Variants in KHDRBS2 observed in about 807,000 individuals in gnomAD.
KHDRBS2 encodes the protein KH domain-containing, RNA-binding, signal transduction-associated protein 2.
Under a neutral mutation model 44.3 loss-of-function variants are expected in KHDRBS2, and 26 were observed. That is an observed-to-expected ratio of 0.59 (90% CI 0.43 to 0.81). The LOEUF (loss-of-function observed/expected upper bound fraction) is 0.81. Among genes scored for constraint, KHDRBS2 ranks in the 40% least tolerant of loss-of-function variants. KHDRBS2 has a pLI of 0.00. For missense variants in KHDRBS2, 476 were observed against 433.1 expected (o/e 1.10, Z -0.88); for synonymous variants, 194 against 151.1 (o/e 1.28, Z -2.08).
intron 2 of KHDRBS2, among the ~76,000 whole-genome samples, chr6:62,071,608 C>T (rs534867155): frequency 6.6e-6 from 1 of 152,258 alleles, no homozygotes; most frequent in South Asian, 2.1e-4. Context: ...ATCCTTTCCC[C>T]ATTGCTTGCT....
chr6:61,711,880 TAACA>T (rs1770564917), intron 7 of KHDRBS2, among the ~76,000 whole-genome samples: 1 of 151,868 alleles, frequency 6.6e-6, no homozygotes, highest in Non-Finnish European at 1.5e-5. Context: ...TAATGCTGCA[TAACA>T]AACAACTACA....
At chr6:61,799,241 G>A (rs750537305) in intron 6 of KHDRBS2, among the ~76,000 whole-genome samples, 15 of 151,938 alleles carry the variant, frequency 9.9e-5, no homozygotes, top group Non-Finnish European at 2.1e-4. Flanking sequence ...CTACATAAGC[G>A]CCTTTTTCTT....
At chr6:61,546,998 C>T in the KHDRBS2 span, among the ~76,000 whole-genome samples, 18 of 152,086 alleles carry the variant, frequency 1.2e-4, no homozygotes, top group African/African-American at 3.9e-4. Flanking sequence ...GGACAGGATG[C>T]GATTCCATTG....
At chr6:61,630,983 A>G in the KHDRBS2 span, among the ~76,000 whole-genome samples, 2 of 152,108 alleles carry the variant, frequency 1.3e-5, no homozygotes, top group Non-Finnish European at 2.9e-5. Flanking sequence ...TTGGGTTCTC[A>G]AGTAACACTT....
chr6:61,769,974 C>T (rs1285500296), intron 6 of KHDRBS2, among the ~76,000 whole-genome samples: 1 of 152,160 alleles, frequency 6.6e-6, no homozygotes, highest in Non-Finnish European at 1.5e-5. Context: ...GCTGTGTACT[C>T]CTCTGAGACA....
At chr6:62,174,284 T>C (rs911244100) in intron 2 of KHDRBS2, among the ~76,000 whole-genome samples, 1 of 151,448 alleles carries the variant, frequency 6.6e-6, no homozygotes, top group Admixed American at 6.6e-5. Flanking sequence ...CTAAGAATCA[T>C]ATCAATAATG....
At chr6:61,729,481 T>C (rs796574719) in intron 7 of KHDRBS2, among the ~76,000 whole-genome samples, 34 of 152,276 alleles carry the variant, frequency 2.2e-4, no homozygotes, top group African/African-American at 7.7e-4. Flanking sequence ...CTGGGTCATA[T>C]GGTAAATGTA....
intron 1 of KHDRBS2, among the ~76,000 whole-genome samples, chr6:62,255,814 T>C (rs183259822): frequency 6.6e-6 from 1 of 151,938 alleles, no homozygotes; most frequent in East Asian, 1.9e-4. Context: ...GTTGGTAAAC[T>C]ATATTGACAC....
intron 3 of KHDRBS2, among the ~76,000 whole-genome samples, chr6:62,045,517 A>T (rs1050464771): frequency 2.6e-5 from 4 of 152,082 alleles, no homozygotes; most frequent in African/African-American, 9.7e-5. Flanking sequence ...TCCTAAAAGT[A>T]TAAAATGTAT....
intron 6 of KHDRBS2, among the ~76,000 whole-genome samples, chr6:61,840,568 T>C (rs1429995149): frequency 6.6e-6 from 1 of 152,152 alleles, no homozygotes; most frequent in Non-Finnish European, 1.5e-5. Context: ...TGATTCTAAC[T>C]AGCCTATCTA....
chr6:61,999,219 A>T (rs1334531614), intron 3 of KHDRBS2, among the ~76,000 whole-genome samples: 1 of 152,106 alleles, frequency 6.6e-6, no homozygotes, highest in Non-Finnish European at 1.5e-5. Context: ...CCAACCTCCA[A>T]CCCAAATAAA....
chr6:62,094,687 T>C (rs1325308877), intron 2 of KHDRBS2, among the ~76,000 whole-genome samples: 2 of 151,946 alleles, frequency 1.3e-5, no homozygotes, highest in African/African-American at 4.8e-5. Context: ...ACTTTTGTAG[T>C]TTCAGTTCTT....
intron 1 of KHDRBS2, among the ~76,000 whole-genome samples, chr6:62,243,977 T>A (rs1414484385): frequency 1.3e-5 from 2 of 152,174 alleles, no homozygotes; most frequent in Admixed American, 6.6e-5. Flanking sequence ...ATATCAAGTA[T>A]TATTTTCCTC....
At chr6:61,732,610 C>A in intron 7 of KHDRBS2, 72 bp downstream of exon 7, 1 of 844,106 alleles carries the variant, frequency 1.2e-6, no homozygotes, top group African/African-American at 1.7e-5. Flanking sequence ...ATATAATTGA[C>A]ATTCAGATTC....
the KHDRBS2 span, among the ~76,000 whole-genome samples, chr6:61,672,785 A>G: frequency 6.7e-6 from 1 of 149,094 alleles, no homozygotes. Flanking sequence ...ATTTTCTCCC[A>G]TTTTGTAGGT....
At chr6:61,969,394 C>T (rs1032598374) in intron 4 of KHDRBS2, among the ~76,000 whole-genome samples, 2 of 151,968 alleles carry the variant, frequency 1.3e-5, no homozygotes, top group Non-Finnish European at 2.9e-5. Context: ...ATGTTTTATG[C>T]AGTGGGTTTC....
intron 1 of KHDRBS2, among the ~76,000 whole-genome samples, chr6:62,178,347 G>GA (rs1327805946): frequency 2.6e-5 from 4 of 151,428 alleles, no homozygotes; most frequent in Non-Finnish European, 5.9e-5. Context: ...AGTGAATGTG[G>GA]AAAAAAGGCT....
At chr6:62,010,960 C>T (rs1290152063) in intron 3 of KHDRBS2, among the ~76,000 whole-genome samples, 1 of 152,036 alleles carries the variant, frequency 6.6e-6, no homozygotes, top group Admixed American at 6.6e-5. Context: ...AAACATTTGT[C>T]CCTCTTATTT....
chr6:61,773,714 T>A (rs1218905917), intron 6 of KHDRBS2, among the ~76,000 whole-genome samples: 1 of 151,854 alleles, frequency 6.6e-6, no homozygotes, highest in Non-Finnish European at 1.5e-5. Flanking sequence ...ATGAAGTCCT[T>A]GCCCATGCCT....
Sources: allele counts gnomAD v4.1 joint callset (sites outside exome capture counted in the v4.1 genomes callset), GRCh38; gene constraint gnomAD v4.1.1; transcripts MANE v1.5; gene names NCBI Gene and HGNC (gene_info 2026-07-23, HGNC 2026-07-21).